The following TAFA2 variants were observed in gnomAD, a reference collection of about 807,000 sequenced individuals.
TAFA2 encodes chemokine-like protein TAFA-2.
In TAFA2, 7 loss-of-function variants were observed where a neutral mutation model predicts 18.8. The ratio of observed to expected loss-of-function variants is 0.37; its 90% confidence interval spans 0.21 to 0.70. The LOEUF is 0.70. TAFA2 is among the 30% of genes least tolerant of loss of function. The probability of loss-of-function intolerance (pLI) is 0.53; values close to 1 mark genes in which losing one functional copy is unlikely to be tolerated. For missense variants in TAFA2, 122 were observed against 158.1 expected (o/e 0.77, Z 1.23); for synonymous variants, 60 against 54.2 (o/e 1.11, Z -0.47).
At chr12:61,850,648 G>A (rs1457104078) in intron 2 of TAFA2, among the ~76,000 whole-genome samples, 1 of 151,706 alleles carries the variant, frequency 6.6e-6, no homozygotes, top group Non-Finnish European at 1.5e-5. Context: ...ATGGTAGACT[G>A]GTTTGGCTTT....
At chr12:61,903,784 A>G (rs1392988529) in intron 1 of TAFA2, among the ~76,000 whole-genome samples, 1 of 152,202 alleles carries the variant, frequency 6.6e-6, no homozygotes, top group African/African-American at 2.4e-5. Context: ...TGTGAGTCAA[A>G]AATGCAATTG....
At chr12:62,021,978 G>A in intron 1 of TAFA2, 1 of 685,296 alleles carries the variant, frequency 1.5e-6, no homozygotes, top group Non-Finnish European at 2.8e-6. Context: ...CTAGGAGCTT[G>A]TAACGCAGAG....
At chr12:61,997,123 A>G (rs973404860) in intron 1 of TAFA2, among the ~76,000 whole-genome samples, 1 of 151,832 alleles carries the variant, frequency 6.6e-6, no homozygotes, top group Non-Finnish European at 1.5e-5. Flanking sequence ...GTATATATGT[A>G]TATGTGTGTG....
intron 1 of TAFA2, among the ~76,000 whole-genome samples, chr12:62,103,551 G>T (rs904717347): frequency 5.3e-5 from 8 of 152,128 alleles, no homozygotes; most frequent in Non-Finnish European, 1.0e-4. Flanking sequence ...AGACCAGCCT[G>T]ACCAACATGG....
At chr12:61,718,230 G>T (rs1237502742) in intron 4 of TAFA2, among the ~76,000 whole-genome samples, 1 of 152,132 alleles carries the variant, frequency 6.6e-6, no homozygotes, top group African/African-American at 2.4e-5. Context: ...TGTACAGTGT[G>T]CCTGCCATGA....
At chr12:61,972,075 T>C (rs1005718700) in intron 1 of TAFA2, among the ~76,000 whole-genome samples, 1 of 151,726 alleles carries the variant, frequency 6.6e-6, no homozygotes, top group East Asian at 1.9e-4. Context: ...GTTTGTTTGT[T>C]TGTTTTTAAC....
chr12:62,122,412 C>A (rs1250680460), intron 1 of TAFA2, among the ~76,000 whole-genome samples: 2 of 152,152 alleles, frequency 1.3e-5, no homozygotes, highest in Non-Finnish European at 2.9e-5. Flanking sequence ...TCTGTTAGAG[C>A]AACACATCAG....
At chr12:61,724,801 G>GTGTGTATACACCAGATGGGTGTATATGTA (rs1565751089) in intron 4 of TAFA2, among the ~76,000 whole-genome samples, 235 of 110,338 alleles carry the variant, frequency 2.1e-3, no homozygotes, top group African/African-American at 8.5e-3. Flanking sequence ...GTGTGTGTGT[G>GTGTGTATACACCAGATGGGTGTATATGTA]TATACACCAG....
chr12:62,058,971 C>T (rs567575281), intron 1 of TAFA2, among the ~76,000 whole-genome samples: 7 of 151,952 alleles, frequency 4.6e-5, no homozygotes, highest in South Asian at 2.1e-4. Flanking sequence ...GGCGTGGTGG[C>T]GGGCGCCTGT....
rs1869350310 is a variant in TAFA2, at chr12:61,710,545, T to C, written c.385-128A>G. The C allele has an allele frequency of 1.3e-5, 9 of 675,072 alleles. No individual in the cohort carries two copies. The Admixed American group carries it at 2.2e-4, about 16-fold the overall frequency. The allele number at this position is 675,072 out of a possible 1,614,324, so 41.8% of individuals were successfully genotyped here. On this transcript the variant is annotated intron_variant, in intron 4 of 4. Transcript: ENST00000416284. ...TGCTATATCAAATGCATTACTTAATTTTAAAGGACTAACAGATGCAGGTAT... is the reference window on the plus strand; with the variant it reads ...TGCTATATCAAATGCATTACTTAATCTTAAAGGACTAACAGATGCAGGTAT...
intron 1 of TAFA2, among the ~76,000 whole-genome samples, chr12:61,979,658 A>C (rs915180110): frequency 1.3e-5 from 2 of 152,062 alleles, no homozygotes; most frequent in African/African-American, 4.8e-5. Flanking sequence ...GTAAGGAGGA[A>C]ATTAAGAAAA....
At chr12:61,989,531 C>T (rs1261662308) in intron 1 of TAFA2, among the ~76,000 whole-genome samples, 2 of 152,156 alleles carry the variant, frequency 1.3e-5, no homozygotes, top group Non-Finnish European at 2.9e-5. Context: ...CTCAGCACCA[C>T]CCTTGCCACT....
At chr12:62,067,014 G>A (rs1432388511) in intron 1 of TAFA2, among the ~76,000 whole-genome samples, 1 of 151,970 alleles carries the variant, frequency 6.6e-6, no homozygotes, top group African/African-American at 2.4e-5. Flanking sequence ...TTTTAACTGG[G>A]ATGAGATAAT....
chr12:62,091,897 A>G (rs1458324363), intron 1 of TAFA2, among the ~76,000 whole-genome samples: 1 of 152,006 alleles, frequency 6.6e-6, no homozygotes, highest in Admixed American at 6.6e-5. Context: ...AAAGCATTCT[A>G]ATTGCTGTCG....
chr12:62,079,358 A>G (rs1360680572), intron 1 of TAFA2, among the ~76,000 whole-genome samples: 1 of 152,088 alleles, frequency 6.6e-6, no homozygotes, highest in Non-Finnish European at 1.5e-5. Flanking sequence ...TGGCTTGATA[A>G]AAGTTTAACA....
intron 1 of TAFA2, among the ~76,000 whole-genome samples, chr12:62,035,777 T>A (rs1881589041): frequency 7.5e-6 from 1 of 133,504 alleles, no homozygotes; most frequent in Non-Finnish European, 1.6e-5. Context: ...AGTTTCGCTC[T>A]GTCGCCCAGG....
intron 1 of TAFA2, among the ~76,000 whole-genome samples, chr12:62,040,450 A>C (rs760888810): frequency 2.0e-5 from 3 of 152,084 alleles, no homozygotes; most frequent in Non-Finnish European, 4.4e-5. Flanking sequence ...AATATGACTT[A>C]TTTCCTCATA....
intron 1 of TAFA2, among the ~76,000 whole-genome samples, chr12:62,178,312 A>AT (rs1378481360): frequency 2.6e-5 from 4 of 152,252 alleles, no homozygotes; most frequent in South Asian, 2.1e-4. Context: ...TAAAATATGA[A>AT]AAAAGAAAGA....
At chr12:61,736,498 G>A (rs932867663) in intron 4 of TAFA2, among the ~76,000 whole-genome samples, 6 of 151,872 alleles carry the variant, frequency 4.0e-5, no homozygotes, top group African/African-American at 1.5e-4. Context: ...GTATTTTTCT[G>A]CCTGCATAGT....
Sources: allele counts gnomAD v4.1 joint callset (sites outside exome capture counted in the v4.1 genomes callset), GRCh38; gene constraint gnomAD v4.1.1; transcripts MANE v1.5; gene names NCBI Gene and HGNC (gene_info 2026-07-23, HGNC 2026-07-21).